Variants in LRRC4C observed in about 807,000 individuals in gnomAD.
The protein encoded by LRRC4C is leucine rich repeat containing 4C.
LRRC4C carries 5 observed loss-of-function variants against 33.6 expected under a neutral mutation model. The observed-to-expected ratio is 0.15, with a 90% CI of 0.08 to 0.31. LRRC4C has a LOEUF of 0.31. Ranked by LOEUF, LRRC4C falls within the 10% of genes least tolerant of loss-of-function variation. The pLI is 1.00. For synonymous variants in LRRC4C, 329 were observed against 302.0 expected (o/e 1.09, Z -0.93); for missense variants, 560 against 796.7 (o/e 0.70, Z 3.58).
chr11:40,547,127 T>C (rs1956955500), intron 3 of LRRC4C, among the ~76,000 whole-genome samples: 1 of 150,814 alleles, frequency 6.6e-6, no homozygotes, highest in East Asian at 2.0e-4. Flanking sequence ...AGATTTAGTT[T>C]TTCTAAAATG....
chr11:40,176,689 C>T (rs1590623378), intron 5 of LRRC4C, among the ~76,000 whole-genome samples: 1 of 151,828 alleles, frequency 6.6e-6, no homozygotes, highest in African/African-American at 2.4e-5. Context: ...TGCAGGTGCA[C>T]ATGACCACAC....
intron 1 of LRRC4C, among the ~76,000 whole-genome samples, chr11:41,131,581 G>C (rs1202129488): frequency 6.6e-6 from 1 of 152,006 alleles, no homozygotes; most frequent in Non-Finnish European, 1.5e-5. Context: ...ATTTGAACCA[G>C]AGCGACCACA....
At chr11:41,432,879 T>A (rs190597489) in intron 1 of LRRC4C, among the ~76,000 whole-genome samples, 2 of 152,322 alleles carry the variant, frequency 1.3e-5, no homozygotes, top group East Asian at 3.9e-4. Flanking sequence ...CTTTATAGTC[T>A]GCAGGAAGTT....
At chr11:40,854,662 T>C (rs1953685042) in intron 2 of LRRC4C, among the ~76,000 whole-genome samples, 1 of 151,742 alleles carries the variant, frequency 6.6e-6, no homozygotes, top group African/African-American at 2.4e-5. Flanking sequence ...CCTGCAAAAT[T>C]TTATACATTA....
intron 1 of LRRC4C, among the ~76,000 whole-genome samples, chr11:41,018,617 A>G (rs989165222): frequency 1.5e-4 from 23 of 152,268 alleles, no homozygotes; most frequent in African/African-American, 5.5e-4. Context: ...TATTGTTGAT[A>G]CCAAGGCCCC....
chr11:40,352,863 AAG>A (rs1392408233), intron 3 of LRRC4C, among the ~76,000 whole-genome samples: 1 of 152,180 alleles, frequency 6.6e-6, no homozygotes, highest in Non-Finnish European at 1.5e-5. Flanking sequence ...TCAGAGATAA[AAG>A]AGTTTTTCCT....
At chr11:40,260,061 C>A (rs1359251872) in intron 4 of LRRC4C, among the ~76,000 whole-genome samples, 2 of 138,392 alleles carry the variant, frequency 1.4e-5, no homozygotes, top group Non-Finnish European at 3.1e-5. Context: ...TGGGTATATA[C>A]CCAAAGGACT....
At chr11:40,974,220 G>A (rs146195042) in intron 1 of LRRC4C, among the ~76,000 whole-genome samples, 1,885 of 152,140 alleles carry the variant, frequency 0.012, 127 homozygotes, top group Admixed American at 0.11. Context: ...AACATTTGAC[G>A]TGAGTTCTAC....
intron 3 of LRRC4C, among the ~76,000 whole-genome samples, chr11:40,560,241 G>C (rs1479448245): frequency 6.6e-6 from 1 of 151,324 alleles, no homozygotes; most frequent in African/African-American, 2.4e-5. Flanking sequence ...CAAATACACA[G>C]AGCAAACATC....
At chr11:40,303,042 G>GT (rs1331373388) in intron 4 of LRRC4C, among the ~76,000 whole-genome samples, 1 of 152,076 alleles carries the variant, frequency 6.6e-6, no homozygotes, top group Non-Finnish European at 1.5e-5. Context: ...TTTTTGGGGA[G>GT]TTTTTTCGAA....
At chr11:40,396,542 T>C (rs947185087) in intron 3 of LRRC4C, among the ~76,000 whole-genome samples, 1 of 152,086 alleles carries the variant, frequency 6.6e-6, no homozygotes, top group Non-Finnish European at 1.5e-5. Context: ...GGAGAGGAAT[T>C]AGGAGAAAAT....
intron 2 of LRRC4C, among the ~76,000 whole-genome samples, chr11:40,665,667 A>G (rs1943766420): frequency 6.6e-6 from 1 of 151,916 alleles, no homozygotes; most frequent in African/African-American, 2.4e-5. Flanking sequence ...CATTTATACT[A>G]CTCATGAGTG....
At chr11:40,530,963 C>T (rs934139593) in intron 3 of LRRC4C, among the ~76,000 whole-genome samples, 3 of 151,882 alleles carry the variant, frequency 2.0e-5, no homozygotes, top group Non-Finnish European at 4.4e-5. Flanking sequence ...TATTGTTATT[C>T]CTAAAATGGA....
chr11:40,599,298 A>G (rs541389428), intron 3 of LRRC4C, among the ~76,000 whole-genome samples: 1 of 152,126 alleles, frequency 6.6e-6, no homozygotes, highest in East Asian at 1.9e-4. Context: ...AATTTAAAAA[A>G]AAAATCACCA....
intron 1 of LRRC4C, among the ~76,000 whole-genome samples, chr11:40,995,495 A>G (rs929847309): frequency 6.6e-6 from 1 of 152,132 alleles, no homozygotes; most frequent in African/African-American, 2.4e-5. Context: ...CCTAGGAGAT[A>G]TCTTTCATCC....
intron 3 of LRRC4C, among the ~76,000 whole-genome samples, chr11:40,443,574 T>C (rs1951490805): frequency 6.6e-6 from 1 of 152,150 alleles, no homozygotes; most frequent in Admixed American, 6.5e-5. Context: ...CAGTGACCCA[T>C]TGGTCATTCT....
At chr11:40,119,421 C>T (rs913180497) in intron 6 of LRRC4C, among the ~76,000 whole-genome samples, 6 of 152,050 alleles carry the variant, frequency 3.9e-5, no homozygotes, top group Admixed American at 1.3e-4. Context: ...GCTGTTGCAG[C>T]TCTAGATTGA....
intron 2 of LRRC4C, among the ~76,000 whole-genome samples, chr11:40,660,697 A>T (rs1943387609): frequency 6.6e-6 from 1 of 152,196 alleles, no homozygotes; most frequent in Non-Finnish European, 1.5e-5. Flanking sequence ...ACAGGACTCA[A>T]GCTCCAGTAT....
intron 5 of LRRC4C, among the ~76,000 whole-genome samples, chr11:40,209,002 T>C (rs1863377518): frequency 6.6e-6 from 1 of 150,736 alleles, no homozygotes; most frequent in African/African-American, 2.4e-5. Context: ...GGTCAGTTGT[T>C]AAACATTTGT....
Sources: allele counts gnomAD v4.1 joint callset (sites outside exome capture counted in the v4.1 genomes callset), GRCh38; gene constraint gnomAD v4.1.1; transcripts MANE v1.5; gene names NCBI Gene and HGNC (gene_info 2026-07-23, HGNC 2026-07-21).